MICU3: variants seen among roughly 807,000 people sequenced by gnomAD.
MICU3 encodes calcium uptake protein 3, mitochondrial.
Under a neutral mutation model 66.5 loss-of-function variants are expected in MICU3, and 62 were observed. The observed-to-expected ratio is 0.93, with a 90% CI of 0.76 to 1.15. The LOEUF (loss-of-function observed/expected upper bound fraction) is 1.15. Among genes scored for constraint, MICU3 ranks in the 50% most tolerant of loss-of-function variants. The pLI is 0.00. For synonymous variants in MICU3, 308 were observed against 240.7 expected (o/e 1.28, Z -2.59); for missense variants, 779 against 664.4 (o/e 1.17, Z -1.90).
intron 4 of MICU3, 62 bp downstream of exon 4, chr8:17,077,923 C>T (rs1820625214): frequency 2.2e-6 from 2 of 926,786 alleles, no homozygotes; most frequent in South Asian, 3.8e-5. Context: ...TTTATATATG[C>T]ATATTTTCCC....
intron 11 of MICU3, among the ~76,000 whole-genome samples, chr8:17,112,352 C>G (rs753875888): frequency 2.0e-5 from 3 of 152,158 alleles, no homozygotes; most frequent in Non-Finnish European, 4.4e-5. Context: ...ACAGTTAAGA[C>G]AAGTTCCATT....
At chr8:17,033,586 A>G (rs1812453038) in intron 1 of MICU3, among the ~76,000 whole-genome samples, 1 of 151,880 alleles carries the variant, frequency 6.6e-6, no homozygotes, top group South Asian at 2.1e-4. Context: ...GCAGGCTCCC[A>G]CCACCACACC....
chr8:17,076,541 C>A (rs1171679202), intron 3 of MICU3, among the ~76,000 whole-genome samples: 1 of 152,090 alleles, frequency 6.6e-6, no homozygotes, highest in Non-Finnish European at 1.5e-5. Context: ...CACAAGAATC[C>A]ACATATGGGC....
chr8:17,130,126 T>C, the MICU3 span, among the ~76,000 whole-genome samples: 1 of 152,264 alleles, frequency 6.6e-6, no homozygotes, highest in Non-Finnish European at 1.5e-5. Context: ...TTTAGGCAAT[T>C]GGGGAATGAA....
At chr8:17,088,742 G>A (rs1266970026) in intron 7 of MICU3, among the ~76,000 whole-genome samples, 1 of 151,846 alleles carries the variant, frequency 6.6e-6, no homozygotes, top group East Asian at 1.9e-4. Flanking sequence ...AAGTAATAAA[G>A]GGAGATAAAA....
intron 1 of MICU3, among the ~76,000 whole-genome samples, chr8:17,047,642 G>C (rs547249643): frequency 6.6e-6 from 1 of 152,220 alleles, no homozygotes; most frequent in Non-Finnish European, 1.5e-5. Context: ...CATCGCAACA[G>C]ACAGAAGCCA....
intron 1 of MICU3, among the ~76,000 whole-genome samples, chr8:17,037,543 C>G (rs146110488): frequency 6.6e-6 from 1 of 152,230 alleles, no homozygotes; most frequent in African/African-American, 2.4e-5. Flanking sequence ...AGGTAGAAGT[C>G]TGCTGCAAGG....
chr8:17,043,178 A>G (rs2150534585), intron 1 of MICU3, among the ~76,000 whole-genome samples: 1 of 151,830 alleles, frequency 6.6e-6, no homozygotes, highest in South Asian at 2.1e-4. Context: ...TGACCTCGTG[A>G]TCCGCCCGCC....
chr8:17,108,100 A>T (rs1801893561), intron 11 of MICU3, among the ~76,000 whole-genome samples: 1 of 152,170 alleles, frequency 6.6e-6, no homozygotes, highest in South Asian at 2.1e-4. Context: ...AGGAATCAGG[A>T]ACTCCTAGGG....
At chr8:17,060,019 T>C (rs998606782) in intron 1 of MICU3, among the ~76,000 whole-genome samples, 1 of 152,242 alleles carries the variant, frequency 6.6e-6, no homozygotes, top group Admixed American at 6.5e-5. Context: ...TCATCACATA[T>C]ATTTTTAAAC....
intron 14 of MICU3, among the ~76,000 whole-genome samples, chr8:17,119,721 G>C (rs1188113700): frequency 6.6e-6 from 1 of 152,036 alleles, no homozygotes; most frequent in African/African-American, 2.4e-5. Context: ...ATGCTACTAT[G>C]CATTTTGTCT....
At chr8:17,034,205 C>G (rs75058986) in intron 1 of MICU3, among the ~76,000 whole-genome samples, 4 of 152,168 alleles carry the variant, frequency 2.6e-5, no homozygotes, top group African/African-American at 9.7e-5. Context: ...GCTTGGATGA[C>G]AACACATCTG....
chr8:17,087,166 G>A, intron 7 of MICU3, 131 bp downstream of exon 7: 1 of 616,390 alleles, frequency 1.6e-6, no homozygotes, highest in South Asian at 2.1e-5. Context: ...AAGTTTTTAT[G>A]TAGAAAAATT....
chr8:17,087,333 A>C (rs1585420994), intron 7 of MICU3, among the ~76,000 whole-genome samples: 1 of 152,078 alleles, frequency 6.6e-6, no homozygotes, highest in Non-Finnish European at 1.5e-5. Context: ...ATCATTATGC[A>C]TGTAAAAATT....
downstream of MICU3, among the ~76,000 whole-genome samples, chr8:17,125,041 A>C (rs542482894): frequency 9.2e-5 from 14 of 152,234 alleles, no homozygotes; most frequent in African/African-American, 3.1e-4. Flanking sequence ...AAAAAATGTA[A>C]TTATTTATTT....
chr8:17,052,594 C>A (rs1283515831), intron 1 of MICU3, among the ~76,000 whole-genome samples: 3 of 152,142 alleles, frequency 2.0e-5, no homozygotes, highest in African/African-American at 7.2e-5. Context: ...CTTTATCTAG[C>A]AACTTTTAAA....
intron 11 of MICU3, among the ~76,000 whole-genome samples, chr8:17,111,978 AAG>A (rs1282522220): frequency 3.3e-5 from 5 of 152,176 alleles, no homozygotes; most frequent in Admixed American, 6.5e-5. Flanking sequence ...GCAGGAGAGA[AAG>A]AGAGAACACA....
At chr8:17,113,830 T>C (rs1802429934) in intron 11 of MICU3, among the ~76,000 whole-genome samples, 1 of 152,200 alleles carries the variant, frequency 6.6e-6, no homozygotes, top group Non-Finnish European at 1.5e-5. Context: ...TTGGAGCTTT[T>C]TTTTTGGAAT....
At chr8:17,071,727 C>T (rs1170365611) in intron 3 of MICU3, among the ~76,000 whole-genome samples, 1 of 152,116 alleles carries the variant, frequency 6.6e-6, no homozygotes, top group Non-Finnish European at 1.5e-5. Context: ...AAGATTGCTA[C>T]TGGATATAAC....
Sources: allele counts gnomAD v4.1 joint callset (sites outside exome capture counted in the v4.1 genomes callset), GRCh38; gene constraint gnomAD v4.1.1; transcripts MANE v1.5; gene names NCBI Gene and HGNC (gene_info 2026-07-23, HGNC 2026-07-21).